The following MAMLD1 variants were observed in gnomAD, a reference collection of about 807,000 sequenced individuals.
MAMLD1 encodes mastermind like domain containing 1, also known as mastermind-like domain-containing protein 1.
A neutral mutation model predicts 45.0 loss-of-function variants in MAMLD1; 14 were observed. That is an observed-to-expected ratio of 0.31 (90% CI 0.21 to 0.49). MAMLD1 has a LOEUF of 0.49. Ranked by LOEUF, MAMLD1 falls within the 20% of genes least tolerant of loss-of-function variation. The pLI is 0.99. For synonymous variants in MAMLD1, 254 were observed against 247.8 expected (o/e 1.02, Z -0.24); for missense variants, 543 against 603.6 (o/e 0.90, Z 1.05).
chrX:150,443,462 G>A (rs896112147), intron 1 of MAMLD1, among the ~76,000 whole-genome samples: 4 of 104,203 alleles, frequency 3.8e-5, no homozygotes, highest in Non-Finnish European at 7.9e-5. Flanking sequence ...CAATGTGCAG[G>A]TTAGTTACAT....
chrX:150,471,590 A>G (rs991900246), intron 4 of MAMLD1, 100 bp downstream of exon 4: 2 of 1,153,225 alleles, frequency 1.7e-6, no homozygotes, highest in Admixed American at 2.3e-5. Context: ...TCCAGGCTAT[A>G]GTTCTCTCTG....
At chrX:150,485,176 C>T (rs1557407538) in intron 5 of MAMLD1, among the ~76,000 whole-genome samples, 2 of 111,627 alleles carry the variant, frequency 1.8e-5, no homozygotes, top group Non-Finnish European at 3.8e-5. Context: ...ATCTGTCCTG[C>T]CCGAGCTCAT....
chrX:150,403,060 TTAAAG>T (rs1190103462), intron 1 of MAMLD1, among the ~76,000 whole-genome samples: 5,306 of 109,578 alleles, frequency 0.048, 126 homozygotes, highest in Non-Finnish European at 0.074. Context: ...ACCCTAAAAC[TTAAAG>T]TATAGTAATA....
chrX:150,455,394 G>A (rs942215542), intron 2 of MAMLD1, among the ~76,000 whole-genome samples: 4 of 112,008 alleles, frequency 3.6e-5, no homozygotes, highest in African/African-American at 1.3e-4. Context: ...ACTAAAGGCA[G>A]ATCTGCCTTG....
intron 1 of MAMLD1, among the ~76,000 whole-genome samples, chrX:150,403,921 G>GA (rs1376538567): frequency 2.7e-5 from 2 of 72,843 alleles, no homozygotes; most frequent in East Asian, 3.5e-4. Flanking sequence ...GAAAAAGAAA[G>GA]AAAGACAGAG....
At chrX:150,363,870 GA>G (rs1296147651) in intron 1 of MAMLD1, among the ~76,000 whole-genome samples, 2 of 112,942 alleles carry the variant, frequency 1.8e-5, no homozygotes, top group African/African-American at 6.4e-5. Flanking sequence ...GGGCTACTGG[GA>G]GGCTCCCACT....
At chrX:150,482,661 T>G (rs782458114) in intron 5 of MAMLD1, among the ~76,000 whole-genome samples, 140 of 112,639 alleles carry the variant, frequency 1.2e-3, no homozygotes, top group Middle Eastern at 4.6e-3. Flanking sequence ...CTGCTCATTT[T>G]CCATCCCTGG....
At chrX:150,366,842 G>C (rs1036238353) in intron 1 of MAMLD1, among the ~76,000 whole-genome samples, 2 of 110,911 alleles carry the variant, frequency 1.8e-5, no homozygotes, top group African/African-American at 6.6e-5. Context: ...TGGGACAGAC[G>C]AGGCAGGAAA....
At chrX:150,485,096 C>G (rs907568414) in intron 5 of MAMLD1, among the ~76,000 whole-genome samples, 1 of 110,983 alleles carries the variant, frequency 9.0e-6, no homozygotes, top group Non-Finnish European at 1.9e-5. Context: ...GAAAGCTCCT[C>G]TTTTCCAAAC....
At chrX:150,453,259 C>T (rs1158909293) in intron 2 of MAMLD1, among the ~76,000 whole-genome samples, 4 of 112,165 alleles carry the variant, frequency 3.6e-5, no homozygotes, top group African/African-American at 1.3e-4. Flanking sequence ...TTTATTAGCA[C>T]ACAGTCACGC....
intron 2 of MAMLD1, among the ~76,000 whole-genome samples, chrX:150,459,875 C>A (rs1309972868): frequency 9.1e-6 from 1 of 110,000 alleles, no homozygotes; most frequent in Non-Finnish European, 1.9e-5. Flanking sequence ...GGAAGGAAGA[C>A]AGGCAGGCAA....
At chrX:150,439,595 T>C (rs1161117340) in intron 1 of MAMLD1, among the ~76,000 whole-genome samples, 2 of 111,597 alleles carry the variant, frequency 1.8e-5, no homozygotes, top group Admixed American at 9.5e-5. Flanking sequence ...CTTTGCCTCA[T>C]TGAGTGGTGT....
chrX:150,421,592 A>C (rs1005644479), intron 1 of MAMLD1, among the ~76,000 whole-genome samples: 94 of 112,290 alleles, frequency 8.4e-4, no homozygotes, highest in Non-Finnish European at 5.3e-4. Flanking sequence ...CCACCAGTAT[A>C]ATTGGAGACA....
chrX:150,476,973 CT>C (rs2036598141), intron 5 of MAMLD1, among the ~76,000 whole-genome samples: 2 of 112,973 alleles, frequency 1.8e-5, no homozygotes, highest in South Asian at 7.2e-4. Context: ...TCTCTCACCC[CT>C]GGTAGACTGA....
intron 2 of MAMLD1, among the ~76,000 whole-genome samples, chrX:150,462,432 C>A (rs2036072935): frequency 8.9e-6 from 1 of 111,770 alleles, no homozygotes; most frequent in Non-Finnish European, 1.9e-5. Context: ...GGTTGGAGAG[C>A]TGGCAGCCTT....
chrX:150,449,132 G>C (rs782702418), intron 2 of MAMLD1, among the ~76,000 whole-genome samples: 2 of 111,187 alleles, frequency 1.8e-5, no homozygotes, highest in East Asian at 5.7e-4. Context: ...GGTTGGGCAG[G>C]GTGGGGGGAT....
At chrX:150,428,944 A>T (rs1476173838) in intron 1 of MAMLD1, among the ~76,000 whole-genome samples, 2 of 111,794 alleles carry the variant, frequency 1.8e-5, no homozygotes, top group African/African-American at 6.5e-5. Context: ...GCATAAAATC[A>T]ATAGAGTGGA....
intron 1 of MAMLD1, among the ~76,000 whole-genome samples, chrX:150,412,636 C>T (rs2034151063): frequency 1.8e-5 from 2 of 111,130 alleles, no homozygotes; most frequent in South Asian, 3.8e-4. Flanking sequence ...CTTGATTTCA[C>T]GGCTACCCTT....
chrX:150,365,602 A>G (rs782613187), intron 1 of MAMLD1, among the ~76,000 whole-genome samples: 16 of 113,432 alleles, frequency 1.4e-4, no homozygotes, highest in African/African-American at 4.8e-4. Flanking sequence ...CCGGTGGCTA[A>G]GACGGAGGCG....
Sources: allele counts gnomAD v4.1 joint callset (sites outside exome capture counted in the v4.1 genomes callset), GRCh38; gene constraint gnomAD v4.1.1; transcripts MANE v1.5; gene names NCBI Gene and HGNC (gene_info 2026-07-23, HGNC 2026-07-21).